The following ERC2 variants were observed in gnomAD, a reference collection of about 807,000 sequenced individuals.
The protein encoded by ERC2 is ERC protein 2.
In ERC2, 42 loss-of-function variants were observed where a neutral mutation model predicts 114.8. The ratio of observed to expected loss-of-function variants is 0.37; its 90% CI spans 0.29 to 0.47. The LOEUF is 0.47. Among genes scored for constraint, ERC2 ranks in the 20% least tolerant of loss-of-function variants. The probability of loss-of-function intolerance (pLI) is 0.99; values close to 1 mark genes in which losing one functional copy is unlikely to be tolerated. For synonymous variants in ERC2, 454 were observed against 425.5 expected, an observed-to-expected ratio of 1.07 and a Z score of -0.82; for missense variants, 939 against 1,150.7, an observed-to-expected ratio of 0.82 and a Z score of 2.66.
chr3:56,377,436 A>G (rs1297227203), intron 2 of ERC2, among the ~76,000 whole-genome samples: 1 of 152,230 alleles, frequency 6.6e-6, no homozygotes, highest in Non-Finnish European at 1.5e-5. Context: ...TATAATATTA[A>G]GATTGTTGCC....
In ERC2 at chr3:55,585,730, G is replaced by A. The variant is rs185642915; in HGVS notation, c.*40-74454C>T. ...AGGGTAAGGCTACCGAAGGGGCTCC[G>A]TGGGTTTGAGGATTTTTTGACCCCA... On this transcript the variant is annotated intron_variant, in intron 17 of 17. Transcript: ENST00000288221. Among the ~76,000 whole-genome samples the A allele has an allele frequency of 3.9e-5, 6 of 152,250 alleles. No homozygotes were observed. In the East Asian group the frequency reaches 1.2e-3, roughly 29 times the overall value.
chr3:55,719,618 T>C (rs773585579), intron 15 of ERC2, among the ~76,000 whole-genome samples: 12 of 152,204 alleles, frequency 7.9e-5, no homozygotes, highest in Non-Finnish European at 1.8e-4. Flanking sequence ...AACTGGGACA[T>C]TTGCTCATAC....
At chr3:55,725,370 A>G (rs1261963852) in intron 15 of ERC2, among the ~76,000 whole-genome samples, 1 of 152,208 alleles carries the variant, frequency 6.6e-6, no homozygotes, top group African/African-American at 2.4e-5. Flanking sequence ...AGAAAGTATC[A>G]TGGTTAAATA....
At chr3:56,274,193 G>A (rs1171888736) in intron 3 of ERC2, among the ~76,000 whole-genome samples, 1 of 152,184 alleles carries the variant, frequency 6.6e-6, no homozygotes, top group Non-Finnish European at 1.5e-5. Flanking sequence ...TTAGGAGCCT[G>A]AACCTTATTG....
At chr3:55,787,495 G>A (rs577407913) in intron 14 of ERC2, among the ~76,000 whole-genome samples, 3 of 152,296 alleles carry the variant, frequency 2.0e-5, no homozygotes, top group African/African-American at 7.2e-5. Context: ...AGCCCAGTAT[G>A]TGATCTCCAT....
rs1180552792 is a variant in ERC2, at chr3:55,893,059, G to C, written c.2404-4510C>G. Among the ~76,000 whole-genome samples the C allele has an allele frequency of 2.6e-5, 4 of 152,104 alleles. No individual in the cohort carries two copies. The East Asian group carries it at 7.7e-4, about 29-fold the overall frequency. On this transcript the variant is annotated intron_variant, in intron 13 of 17. Transcript: ENST00000288221. ...TCTGTATGTCCCCTTTCACCATGTAGGGACACGGCAAGACGTCAGCAGTTT... is the reference window on the plus strand; with the variant it reads ...TCTGTATGTCCCCTTTCACCATGTACGGACACGGCAAGACGTCAGCAGTTT...
intron 1 of ERC2, among the ~76,000 whole-genome samples, chr3:56,440,335 A>T (rs1253658098): frequency 6.6e-6 from 1 of 152,126 alleles, no homozygotes; most frequent in Non-Finnish European, 1.5e-5. Flanking sequence ...CGAGGTCAGG[A>T]GATCGAGACC....
chr3:55,777,875 C>G (rs554083452), intron 14 of ERC2, among the ~76,000 whole-genome samples: 1 of 151,928 alleles, frequency 6.6e-6, no homozygotes. Context: ...GAAATGTGAC[C>G]GAATTGACTA....
At chr3:56,423,140 T>A (rs886851332) in intron 2 of ERC2, among the ~76,000 whole-genome samples, 23 of 152,240 alleles carry the variant, frequency 1.5e-4, no homozygotes, top group African/African-American at 5.3e-4. Context: ...TAAAAAGACA[T>A]CATTGACAAT....
In ERC2 at chr3:56,445,743, C is replaced by T. The variant is rs115422601; in HGVS notation, c.-140-10596G>A. On this transcript the variant is annotated intron_variant, in intron 1 of 17. Transcript: ENST00000288221. Reference sequence around the variant, plus strand: ...TCCTGCTGCTCCAATGCATCAAGTCCCTTCCTGTCTCAGAGCCTTCACTCC... The same window carrying T: ...TCCTGCTGCTCCAATGCATCAAGTCTCTTCCTGTCTCAGAGCCTTCACTCC... Among the ~76,000 whole-genome samples the T allele has an allele frequency of 3.7e-3, 558 of 152,246 alleles. 2 individuals are homozygous for T. Among genetic ancestry groups the T allele is most frequent in the Non-Finnish European group, 5.6e-3 (383 of 68,010 alleles).
chr3:56,093,534 G>A (rs1006260649), intron 6 of ERC2, among the ~76,000 whole-genome samples: 1 of 152,004 alleles, frequency 6.6e-6, no homozygotes, highest in Non-Finnish European at 1.5e-5. Flanking sequence ...ACTAGTTCAG[G>A]CCTCCTGAAC....
intron 16 of ERC2, among the ~76,000 whole-genome samples, chr3:55,689,392 C>T (rs933322149): frequency 2.8e-4 from 43 of 152,146 alleles, no homozygotes; most frequent in African/African-American, 1.0e-3. Flanking sequence ...ATCAGATACC[C>T]AGCTGAAGAT....
At chr3:56,162,873 C>A (rs1378431928) in intron 4 of ERC2, among the ~76,000 whole-genome samples, 1 of 151,842 alleles carries the variant, frequency 6.6e-6, no homozygotes. Context: ...GTGTTCAGTT[C>A]TGCTCTGTTT....
chr3:56,045,493 T>C (rs2075410204), intron 7 of ERC2, among the ~76,000 whole-genome samples: 2 of 152,198 alleles, frequency 1.3e-5, no homozygotes, highest in Admixed American at 1.3e-4. Context: ...AGATGGATCC[T>C]ACCTGTGCCA....
chr3:55,804,437 T>C lies in ERC2; in HGVS notation c.2565-69519A>G, dbSNP rs141414000. Among the ~76,000 whole-genome samples the C allele has an allele frequency of 4.6e-3, 701 of 152,270 alleles. 7 individuals are homozygous for C. Among genetic ancestry groups the C allele is most frequent in the African/African-American group, 0.016 (659 of 41,552 alleles). Reference sequence around the variant, plus strand: ...GCCTTAGAAAGAACATTTTGGCCAATGAGTGTTAGCCTAACCCCAGAGACA... The same window carrying C: ...GCCTTAGAAAGAACATTTTGGCCAACGAGTGTTAGCCTAACCCCAGAGACA... On this transcript the variant is annotated intron_variant, in intron 14 of 17. Transcript: ENST00000288221.
intron 14 of ERC2, among the ~76,000 whole-genome samples, chr3:55,819,555 A>C (rs1411250210): frequency 2.0e-5 from 3 of 152,234 alleles, no homozygotes; most frequent in Admixed American, 6.5e-5. Context: ...TAAAGGAACT[A>C]CACTATTTAT....
At chr3:55,994,480 C>T (rs1437416951) in intron 10 of ERC2, among the ~76,000 whole-genome samples, 1 of 151,772 alleles carries the variant, frequency 6.6e-6, no homozygotes, top group African/African-American at 2.4e-5. Flanking sequence ...ATTAATTAGC[C>T]TAAAAACCAT....
chr3:56,049,906 CACAACTAT>C (rs1295683041), intron 7 of ERC2, among the ~76,000 whole-genome samples: 1 of 150,992 alleles, frequency 6.6e-6, no homozygotes, highest in Non-Finnish European at 1.5e-5. Flanking sequence ...CACAGATTTC[CACAACTAT>C]ACAGATGAAC....
chr3:56,103,062 G>C lies in ERC2; in HGVS notation c.1474-22078C>G, dbSNP rs1261304567. On this transcript the variant is annotated intron_variant, in intron 6 of 17. Coordinates refer to ENST00000288221, the MANE Select transcript of ERC2 (RefSeq NM_015576.3). ...TTGGTTACCTGTTAAAATAGGGGAG[G>C]GAGAGAGTCCTAAGGGGATGCAGGA... 2.0e-5 allele frequency among the ~76,000 whole-genome samples: 3 copies of C among 152,090 alleles called. No homozygotes were observed. In the East Asian group the frequency reaches 5.8e-4, roughly 29 times the overall value.
Sources: allele counts gnomAD v4.1 joint callset (sites outside exome capture counted in the v4.1 genomes callset), GRCh38; gene constraint gnomAD v4.1.1; transcripts MANE v1.5; gene names NCBI Gene and HGNC (gene_info 2026-07-23, HGNC 2026-07-21).